NELFA: variants seen among roughly 807,000 people sequenced by gnomAD.
NELFA encodes the protein negative elongation factor A.
Under a neutral mutation model 51.8 loss-of-function variants are expected in NELFA, and 35 were observed. That is an observed-to-expected ratio of 0.68 (90% confidence interval 0.52 to 0.90). The LOEUF is 0.90. Ranked by LOEUF, NELFA falls within the 40% of genes least tolerant of loss-of-function variation. The pLI, the probability that NELFA is intolerant of heterozygous loss-of-function variation, is 0.00. For synonymous variants in NELFA, 417 were observed against 338.4 expected, an observed-to-expected ratio of 1.23 and a Z score of -2.55; for missense variants, 658 against 746.4, an observed-to-expected ratio of 0.88 and a Z score of 1.38.
In NELFA at chr4:2,008,967, GAA is replaced by G; in HGVS notation, c.-10_-9del. On this transcript the variant is annotated 5_prime_UTR_variant, in exon 1 of 11. Transcript: ENST00000382882. ...CTCCCGCATGGACGCCATCTTGGGG[GAA>G]AGCGCGCGCCGCTGCCCCGGCATCT... 6.4e-7 allele frequency: 1 copy of G among 1,552,862 alleles called. No individual in the cohort carries two copies. The highest frequency in any genetic ancestry group is 2.4e-5 in the East Asian group (1 of 41,230).
Position 1,989,876 on chromosome 4 carries a change from G to T in NELFA, c.383-7C>A. ...GACGCTTCACACTCACCCACTGCCG[G>T]TAAGAACCACATGAAGTTAGGGGCG... On this transcript the variant is annotated splice_region_variant and splice_polypyrimidine_tract_variant and intron_variant, in intron 2 of 10. Coordinates refer to ENST00000382882, the MANE Select transcript of NELFA (RefSeq NM_005663.5). The surrounding 1 kb of genome is among the most constrained non-coding windows in gnomAD (Gnocchi z 4.8). 1 of 1,611,694 alleles carries T rather than the reference G, an allele frequency of 6.2e-7. No individual in the cohort carries two copies. The highest frequency in any genetic ancestry group is 1.1e-5 in the South Asian group (1 of 90,838).
chr4:1,990,077 G>T, intron 2 of NELFA: 1 of 601,668 alleles, frequency 1.7e-6, no homozygotes, highest in Non-Finnish European at 2.9e-6. Flanking sequence ...CCTGAGAGGC[G>T]GGCATGCCTT....
intron 4 of NELFA, 80 bp from the exon 5 acceptor site, chr4:1,986,482 T>C (rs1462934705): frequency 6.3e-7 from 1 of 1,599,606 alleles, no homozygotes; most frequent in Admixed American, 1.7e-5. Flanking sequence ...CGTCCCACCC[T>C]CTTCTAGGCT....
chr4:1,985,898 G>A lies in NELFA; in HGVS notation c.836-34C>T, dbSNP rs144399965. On this transcript the variant is annotated intron_variant, in intron 6 of 10. Coordinates refer to ENST00000382882, the MANE Select transcript of NELFA (RefSeq NM_005663.5). The stretch of plus-strand genomic sequence containing the variant: ...AAAACAGGAGTCCTCGCCAGTGCCC[G>A]GGCGCGTCTGCAGTGTCAGCTCAGG... 1,164 of 1,555,864 alleles carry A rather than the reference G, an allele frequency of 7.5e-4. 1 individual carries two copies. The highest frequency in any genetic ancestry group is 9.6e-4 in the Non-Finnish European group (1,089 of 1,139,544).
chr4:1,983,883 C>G lies in NELFA; in HGVS notation c.1267G>C (p.Ala423Pro), dbSNP rs201801358. ...AMVAPQTQAP[A>P]QQQPKKNLSL... ...AGGTTCTTCTTAGGCTGCTGCTGAG[C>G]AGGGGCCTGGGTCTGCGGGGCCACC... Residue 423 changes from alanine to proline, a missense_variant, in exon 9 of 11, where the codon GCT becomes CCT. Around this residue, in one of 3 missense-constraint regions of NELFA, gnomAD observed 200 missense variants for 167.9 expected, o/e 1.19. Transcript: ENST00000382882. The G allele has an allele frequency of 7.7e-5, 122 of 1,591,074 alleles. No homozygotes were observed. Among genetic ancestry groups the G allele is most frequent in the Non-Finnish European group, 8.9e-5 (104 of 1,168,472 alleles).
intron 2 of NELFA, chr4:1,990,463 G>A (rs924916962): frequency 1.1e-5 from 5 of 456,612 alleles, no homozygotes; most frequent in African/African-American, 1.0e-4. Context: ...ACCGGCCTCA[G>A]CCTTCCTGCC....
intron 1 of NELFA, among the ~76,000 whole-genome samples, chr4:1,999,477 AAGAC>A (rs1408534724): frequency 6.6e-6 from 1 of 152,082 alleles, no homozygotes; most frequent in Admixed American, 6.6e-5. Flanking sequence ...AGCAAACAAA[AAGAC>A]AGGGGTTGCA....
intron 1 of NELFA, among the ~76,000 whole-genome samples, chr4:2,003,568 G>C (rs1029392439): frequency 4.6e-5 from 7 of 152,328 alleles, no homozygotes; most frequent in Middle Eastern, 3.4e-3. Context: ...ATGAGATCCT[G>C]TCCTTTGCAG....
At position 1,989,875 on chromosome 4, in the gene NELFA, GGT is replaced by G. The variant is rs778965391; in HGVS notation, c.383-8_383-7del. The stretch of plus-strand genomic sequence containing the variant: ...AGACGCTTCACACTCACCCACTGCC[GGT>G]AAGAACCACATGAAGTTAGGGGCGC... On this transcript the variant is annotated splice_region_variant and splice_polypyrimidine_tract_variant and intron_variant, in intron 2 of 10. Coordinates refer to ENST00000382882, the MANE Select transcript of NELFA (RefSeq NM_005663.5). The surrounding 1 kb of genome is among the most constrained non-coding windows in gnomAD (Gnocchi z 4.8). 6.2e-7 allele frequency: 1 copy of G among 1,611,564 alleles called. No individual in the cohort carries two copies. The highest frequency in any genetic ancestry group is 8.5e-7 in the Non-Finnish European group (1 of 1,178,902).
chr4:2,005,418 A>C (rs895371512), intron 1 of NELFA, among the ~76,000 whole-genome samples: 1 of 152,212 alleles, frequency 6.6e-6, no homozygotes, highest in East Asian at 1.9e-4. Context: ...AAACTTTAGC[A>C]CAGATACTAG....
intron 1 of NELFA, among the ~76,000 whole-genome samples, chr4:1,999,775 G>T (rs910904488): frequency 6.6e-6 from 1 of 152,116 alleles, no homozygotes; most frequent in Admixed American, 6.5e-5. Flanking sequence ...CTCAACTCTG[G>T]ATCAAGTGGA....
chr4:1,985,071 A>G, intron 7 of NELFA, 152 bp from the exon 8 acceptor site: 1 of 594,960 alleles, frequency 1.7e-6, no homozygotes, highest in Admixed American at 3.2e-5. Flanking sequence ...TCCCTGGGCT[A>G]GACAACGGGA....
intron 1 of NELFA, among the ~76,000 whole-genome samples, chr4:1,995,912 C>T (rs1055359370): frequency 2.0e-5 from 3 of 150,748 alleles, no homozygotes; most frequent in Admixed American, 1.3e-4. Flanking sequence ...GCTGCACGTG[C>T]CTGTAGTTCT....
At chr4:1,997,750 C>G (rs1560877722) in intron 1 of NELFA, among the ~76,000 whole-genome samples, 1 of 152,148 alleles carries the variant, frequency 6.6e-6, no homozygotes, top group East Asian at 1.9e-4. Context: ...TGGTTTCCCC[C>G]CACTGAAGCA....
rs776198303 is a variant in NELFA at position 2,008,732 on chromosome 4, G to A, written c.210+18C>T. On this transcript the variant is annotated intron_variant, in intron 1 of 10. Transcript: ENST00000382882. ...AGGTTGGGAATCTGGGGGCCGCGGG[G>A]CGCCACGCCTGCCTTACCTCGTCCA... 5.0e-6 allele frequency: 8 copies of A among 1,590,512 alleles called. No individual in the cohort carries two copies. In the South Asian group the frequency reaches 6.8e-5, roughly 14 times the overall value.
chr4:1,986,109 CCCA>C lies in NELFA; in HGVS notation c.835+2_835+4del. ...TGCCGCCGACACGCAGGCCCCAACC[CCCA>C]CCGAGAGTCTTCCTTCTCCGCTTCG... is the stretch of plus-strand genomic sequence containing the variant. On this transcript the variant is annotated splice_donor_variant and splice_donor_region_variant and intron_variant, in intron 6 of 10. Transcript: ENST00000382882. LOFTEE classifies it high-confidence loss of function. 6.4e-7 allele frequency: 1 copy of C among 1,550,708 alleles called. No homozygotes were observed.
Position 1,989,873 on chromosome 4 carries a change from C to T in NELFA, c.383-4G>A. Reference sequence around the variant, plus strand: ...GCAGACGCTTCACACTCACCCACTGCCGGTAAGAACCACATGAAGTTAGGG... The same window carrying T: ...GCAGACGCTTCACACTCACCCACTGTCGGTAAGAACCACATGAAGTTAGGG... On this transcript the variant is annotated splice_region_variant and splice_polypyrimidine_tract_variant and intron_variant, in intron 2 of 10. Coordinates refer to ENST00000382882, the MANE Select transcript of NELFA (RefSeq NM_005663.5). The surrounding 1 kb of genome is among the most constrained non-coding windows in gnomAD (Gnocchi z 4.8). The T allele has an allele frequency of 6.2e-7, 1 of 1,611,586 alleles. No homozygotes were observed. The highest frequency in any genetic ancestry group is 8.5e-7 in the Non-Finnish European group (1 of 1,178,932).
intron 1 of NELFA, among the ~76,000 whole-genome samples, chr4:2,000,091 T>C (rs146198422): frequency 1.3e-5 from 2 of 152,222 alleles, no homozygotes; most frequent in African/African-American, 4.8e-5. Flanking sequence ...AAAGAGACAA[T>C]GTAGCAGAAT....
In NELFA at chr4:1,989,715, C is replaced by T. The variant is rs1331180244; in HGVS notation, c.537G>A (p.Leu179=). Residue 179 remains leucine, a synonymous_variant, in exon 3 of 11, where the codon CTG becomes CTA. Transcript: ENST00000382882. The surrounding 1 kb of genome is among the most constrained non-coding windows in gnomAD (Gnocchi z 4.8). ...PKSATLRAEL[L]QKSTETAQQL... ...GCGGCCGCGGCCACTCACACTTCTGCAGCAGCTCCGCCCGCAGCGTGGCGC... is the reference window on the plus strand; with the variant it reads ...GCGGCCGCGGCCACTCACACTTCTGTAGCAGCTCCGCCCGCAGCGTGGCGC... 3.7e-6 allele frequency: 6 copies of T among 1,613,310 alleles called. No homozygotes were observed. The African/African-American group carries it at 5.3e-5, about 14-fold the overall frequency.
Sources: gnomAD v4.1 joint callset for allele counts (sites outside exome capture counted in the v4.1 genomes callset) on GRCh38, gnomAD v4.1.1 for gene constraint, gnomAD v4.1.1 regional missense constraint, Gnocchi (gnomAD v3.1) non-coding constraint, MANE v1.5 for transcripts, NCBI Gene and HGNC (gene_info 2026-07-23, HGNC 2026-07-21) for gene names.